SMARCA2: variants seen among roughly 807,000 people sequenced by gnomAD.
SMARCA2 encodes SWI/SNF related BAF chromatin remodeling complex subunit ATPase 2, also known as SWI/SNF-related matrix-associated actin-dependent regulator of chromatin subfamily A member 2.
Under a neutral mutation model 199.8 loss-of-function variants are expected in SMARCA2, and 61 were observed. The observed-to-expected ratio is 0.31, with a 90% CI of 0.25 to 0.38. The LOEUF (loss-of-function observed/expected upper bound fraction) is 0.38. SMARCA2 is among the 10% of genes least tolerant of loss of function. The pLI, the probability that SMARCA2 is intolerant of heterozygous loss-of-function variation, is 1.00. For missense variants in SMARCA2, 1,344 were observed against 2,012.2 expected (o/e 0.67, Z 6.35); for synonymous variants, 935 against 732.0 (o/e 1.28, Z -4.48).
intron 2 of SMARCA2, among the ~76,000 whole-genome samples, chr9:2,031,354 A>G (rs576837296): frequency 2.6e-5 from 4 of 152,322 alleles, no homozygotes; most frequent in African/African-American, 4.8e-5. Context: ...TGTTTAGATT[A>G]AATGAATTTG....
chr9:2,035,099 T>C (rs10964504), intron 3 of SMARCA2, among the ~76,000 whole-genome samples: 12,863 of 151,850 alleles, frequency 0.085, 680 homozygotes, highest in East Asian at 0.21. Flanking sequence ...TGGAGTGCAG[T>C]GGCATGATCT....
At chr9:2,062,206 A>G (rs1414207552) in intron 9 of SMARCA2, among the ~76,000 whole-genome samples, 1 of 152,218 alleles carries the variant, frequency 6.6e-6, no homozygotes, top group Non-Finnish European at 1.5e-5. Context: ...ATGTCTAATG[A>G]CTTCCAGAAA....
intron 33 of SMARCA2, 124 bp from the exon 34 acceptor site, chr9:2,192,580 G>C (rs1827960199): frequency 2.6e-6 from 2 of 758,668 alleles, no homozygotes; most frequent in Middle Eastern, 3.3e-4. Flanking sequence ...CCCACGGAAA[G>C]AGATTTGGCG....
At chr9:2,163,408 GA>G (rs1231330290) in intron 28 of SMARCA2, among the ~76,000 whole-genome samples, 1 of 152,190 alleles carries the variant, frequency 6.6e-6, no homozygotes, top group Non-Finnish European at 1.5e-5. Flanking sequence ...AGGAAATTTT[GA>G]CCGCAAGTCC....
intron 9 of SMARCA2, among the ~76,000 whole-genome samples, chr9:2,062,299 C>T (rs976868968): frequency 5.3e-5 from 8 of 152,104 alleles, no homozygotes; most frequent in African/African-American, 1.9e-4. Context: ...TGTAAGTGGA[C>T]CCCATTAAAT....
At chr9:2,077,036 C>T (rs139851116) in intron 13 of SMARCA2, among the ~76,000 whole-genome samples, 103 of 152,254 alleles carry the variant, frequency 6.8e-4, no homozygotes, top group African/African-American at 2.3e-3. Flanking sequence ...GACCCTTCCT[C>T]CTAGCAGTCT....
intron 27 of SMARCA2, among the ~76,000 whole-genome samples, chr9:2,137,099 A>G (rs1171396573): frequency 6.6e-6 from 1 of 152,196 alleles, no homozygotes. Flanking sequence ...CTTGGCCCAA[A>G]ATGAAAAAAA....
intron 27 of SMARCA2, among the ~76,000 whole-genome samples, chr9:2,141,050 A>G (rs1824438440): frequency 6.6e-6 from 1 of 151,994 alleles, no homozygotes; most frequent in Non-Finnish European, 1.5e-5. Flanking sequence ...GTCACCTCTC[A>G]TGTAGTCAAT....
Position 2,029,049 on chromosome 9 carries a change from G to A in SMARCA2, c.27G>A (p.Ala9=), listed in dbSNP as rs149689575. MSTPTDPG[A]MPHPGPSPGP... The stretch of plus-strand genomic sequence containing the variant: ...TGTCCACGCCCACAGACCCTGGTGC[G>A]ATGCCCCACCCAGGGCCTTCGCCGG... The change falls in exon 2 of 34, where the codon GCG becomes GCA. Residue 9 remains alanine (A), a synonymous_variant. Transcript: ENST00000349721. 6.4e-6 allele frequency: 10 copies of A among 1,554,132 alleles called. No homozygotes were observed. The highest frequency in any genetic ancestry group is 1.9e-4 in the Middle Eastern group (1 of 5,328).
chr9:2,184,387 C>G (rs921150239), intron 31 of SMARCA2, among the ~76,000 whole-genome samples: 4 of 140,184 alleles, frequency 2.9e-5, no homozygotes, highest in Non-Finnish European at 4.5e-5. Context: ...GAGTCTCACT[C>G]TGTTGCCCAG....
intron 1 of SMARCA2, among the ~76,000 whole-genome samples, chr9:2,020,498 A>G (rs1165257176): frequency 2.0e-5 from 3 of 152,176 alleles, no homozygotes; most frequent in Non-Finnish European, 4.4e-5. Context: ...ATGACTTTAT[A>G]CTTACTAGGG....
At chr9:2,078,363 T>A (rs1821416982) in intron 14 of SMARCA2, among the ~76,000 whole-genome samples, 1 of 152,020 alleles carries the variant, frequency 6.6e-6, no homozygotes, top group South Asian at 2.1e-4. Context: ...TCCCGGCTAC[T>A]CTGGAGGCTG....
chr9:2,076,562 T>G (rs1462772148), intron 13 of SMARCA2, among the ~76,000 whole-genome samples: 1 of 151,742 alleles, frequency 6.6e-6, no homozygotes, highest in African/African-American at 2.4e-5. Flanking sequence ...TCTTTCTCAC[T>G]TCCTTACCCT....
chr9:2,155,719 CCTTTTTTTTTTTTT>C (rs1825323781), intron 27 of SMARCA2, among the ~76,000 whole-genome samples: 2 of 84,154 alleles, frequency 2.4e-5, no homozygotes, highest in Admixed American at 1.5e-4. Flanking sequence ...AAAGAGAAAA[CCTTTTTTTTTTTTT>C]TTTTTTTTTT....
At chr9:2,031,211 C>G (rs371710740) in intron 2 of SMARCA2, among the ~76,000 whole-genome samples, 19 of 152,136 alleles carry the variant, frequency 1.2e-4, no homozygotes, top group African/African-American at 4.6e-4. Flanking sequence ...CTCTAGTTTT[C>G]TGTCTCCTCT....
At chr9:2,063,447 C>T (rs1044891310) in intron 9 of SMARCA2, among the ~76,000 whole-genome samples, 4 of 152,182 alleles carry the variant, frequency 2.6e-5, no homozygotes, top group African/African-American at 9.7e-5. Context: ...TGTCTATGAG[C>T]ATAAAAATCT....
Position 2,036,177 on chromosome 9 carries a change from AGTGT to A in SMARCA2, c.355+3119_355+3122del, listed in dbSNP as rs140964092. Among the ~76,000 whole-genome samples, 533 of 147,900 alleles carry A rather than the reference AGTGT, an allele frequency of 3.6e-3. 2 individuals are homozygous for A. Among genetic ancestry groups the A allele is most frequent in the Middle Eastern group, 0.021 (6 of 284 alleles). ...TTCAAAAGCAGGTATATATTTAAAT[AGTGT>A]GTGTGTGTGTGTGTGTGTGTGTTTG... On this transcript the variant is annotated intron_variant, in intron 3 of 33. Coordinates refer to ENST00000349721, the MANE Select transcript of SMARCA2 (RefSeq NM_003070.5).
intron 1 of SMARCA2, among the ~76,000 whole-genome samples, chr9:2,019,070 G>A (rs1563708946): frequency 6.6e-6 from 1 of 151,742 alleles, no homozygotes; most frequent in Non-Finnish European, 1.5e-5. Context: ...GCAAATGTTT[G>A]CTATTGTAAA....
At chr9:2,105,091 A>G (rs566252460) in intron 23 of SMARCA2, among the ~76,000 whole-genome samples, 10 of 152,224 alleles carry the variant, frequency 6.6e-5, no homozygotes, top group East Asian at 5.8e-4. Context: ...TTTTGCCTTA[A>G]TTGAACGTAA....
Sources: gnomAD v4.1 joint callset for allele counts (sites outside exome capture counted in the v4.1 genomes callset) on GRCh38, gnomAD v4.1.1 for gene constraint, MANE v1.5 for transcripts, NCBI Gene and HGNC (gene_info 2026-07-23, HGNC 2026-07-21) for gene names.